The following MAD2L2 variants were observed in gnomAD, a reference collection of about 807,000 sequenced individuals.
The protein encoded by MAD2L2 is mitotic arrest deficient 2 like 2, also known as mitotic spindle assembly checkpoint protein MAD2B.
In MAD2L2, 17 loss-of-function variants were observed where a neutral mutation model predicts 30.5. The ratio of observed to expected loss-of-function variants is 0.56; its 90% confidence interval spans 0.38 to 0.84. MAD2L2 has a LOEUF of 0.84. Among genes scored for constraint, MAD2L2 ranks in the 40% least tolerant of loss-of-function variants. The pLI is 0.00. For missense variants in MAD2L2, 213 were observed against 277.4 expected (o/e 0.77, Z 1.65); for synonymous variants, 101 against 113.9 (o/e 0.89, Z 0.72).
chr1:11,675,188 A>C lies in MAD2L2; in HGVS notation c.502-14T>G, dbSNP rs878778. 0.064 allele frequency: 100,072 copies of C among 1,570,950 alleles called. 7,978 individuals are homozygous for C. The highest frequency in any genetic ancestry group is 0.46 in the East Asian group (20,361 of 44,202). The stretch of plus-strand genomic sequence containing the variant: ...CCAGGGGAAATCCTAGGGAGGAGAC[A>C]AAGGTCAGGGGGGTGACGGGGCTGG... On this transcript the variant is annotated splice_polypyrimidine_tract_variant and intron_variant, in intron 7 of 8. Coordinates refer to ENST00000376692, the MANE Select transcript of MAD2L2 (RefSeq NM_006341.4).
intron 8 of MAD2L2, 56 bp downstream of exon 8, chr1:11,675,026 C>T (rs1330514317): frequency 3.4e-6 from 5 of 1,452,840 alleles, no homozygotes; most frequent in Non-Finnish European, 4.7e-6. Context: ...CAGCACCGGG[C>T]CTCACTTCGT....
rs746059225 is a variant in MAD2L2, at chr1:11,677,440, CCA to C, written c.231+101_231+102del. The C allele has an allele frequency of 2.3e-5, 26 of 1,143,714 alleles. 1 individual carries two copies. In the Admixed American group the frequency reaches 4.2e-4, roughly 19 times the overall value. The allele number at this position is 1,143,714 out of a possible 1,614,324, so 70.8% of individuals were successfully genotyped here. On this transcript the variant is annotated intron_variant, in intron 4 of 8. Coordinates refer to ENST00000376692, the MANE Select transcript of MAD2L2 (RefSeq NM_006341.4). ...TCTGGGTATTGGAGCCATGAAGACCCCACAGAGTCCTAGCTTCACCCCATCCC... is the reference window on the plus strand; with the variant it reads ...TCTGGGTATTGGAGCCATGAAGACCCCAGAGTCCTAGCTTCACCCCATCCC...
chr1:11,685,692 C>T (rs962413934), upstream of MAD2L2, among the ~76,000 whole-genome samples: 4 of 152,230 alleles, frequency 2.6e-5, no homozygotes, highest in Admixed American at 6.5e-5. Flanking sequence ...CATGGTGGCT[C>T]ACGCCTATAA....
chr1:11,677,884 C>T (rs954817072), intron 3 of MAD2L2, among the ~76,000 whole-genome samples: 1 of 151,784 alleles, frequency 6.6e-6, no homozygotes, highest in East Asian at 1.9e-4. Flanking sequence ...ATGGTGAAAC[C>T]CCATCTCTAC....
chr1:11,679,993 T>G (rs1241999983), intron 3 of MAD2L2, among the ~76,000 whole-genome samples: 305 of 85,552 alleles, frequency 3.6e-3, no homozygotes, highest in African/African-American at 0.013. Flanking sequence ...AGGTTTTTTT[T>G]TTTTTTTTTT....
chr1:11,676,099 G>C lies in MAD2L2; in HGVS notation c.374C>G (p.Ala125Gly), dbSNP rs751926997. Residue 125 changes from alanine to glycine, a missense_variant, in exon 6 of 9, where the codon GCC (alanine) becomes GGC (glycine). Physicochemically the swap from Ala to Gly is moderately conservative, Grantham distance 60 (BLOSUM62 0). Coordinates refer to ENST00000376692, the MANE Select transcript of MAD2L2 (RefSeq NM_006341.4). ...GCACACGCTGATCTTCAGGATGAAGGCCCGGAGCAGCTGCTCCACATGAGA... is the reference window on the plus strand; with the variant it reads ...GCACACGCTGATCTTCAGGATGAAGCCCCGGAGCAGCTGCTCCACATGAGA... ...LLSHVEQLLR[A>G]FILKISVCDA... 6.2e-7 allele frequency: 1 copy of C among 1,611,328 alleles called. No homozygotes were observed. Among genetic ancestry groups the C allele is most frequent in the Non-Finnish European group, 8.5e-7 (1 of 1,178,400 alleles).
chr1:11,679,978 G>A (rs896076970), intron 3 of MAD2L2, among the ~76,000 whole-genome samples: 13 of 147,164 alleles, frequency 8.8e-5, no homozygotes, highest in Middle Eastern at 3.4e-3. Context: ...GGCCCGAAGT[G>A]GAAGAGGTTT....
intron 1 of MAD2L2, 166 bp downstream of exon 1, chr1:11,680,873 G>T: frequency 1.0e-6 from 1 of 962,804 alleles, no homozygotes; most frequent in Non-Finnish European, 1.3e-6. Flanking sequence ...CTGTGCCCCC[G>T]AAAAGGGCAG....
chr1:11,684,607 T>G (rs1640928569), upstream of MAD2L2, among the ~76,000 whole-genome samples: 1 of 152,118 alleles, frequency 6.6e-6, no homozygotes, highest in Non-Finnish European at 1.5e-5. Context: ...GGAGGACTGC[T>G]GGGGTTTATG....
chr1:11,680,800 CCT>C (rs1640861784), intron 1 of MAD2L2, 187 bp from the exon 2 acceptor site: 1 of 1,296,430 alleles, frequency 7.7e-7, no homozygotes, highest in East Asian at 3.1e-5. Flanking sequence ...GGGGCATCAG[CCT>C]CTATCCACTG....
In MAD2L2 at chr1:11,674,586, G is replaced by A. The variant is rs997111066; in HGVS notation, c.*189C>T. On this transcript the variant is annotated 3_prime_UTR_variant, in exon 9 of 9. Coordinates refer to ENST00000376692, the MANE Select transcript of MAD2L2 (RefSeq NM_006341.4). The surrounding 1 kb of genome is among the most constrained non-coding windows in gnomAD (Gnocchi z 6.1). ...CAGGAGGCTGAGAAGTCGAGGTTGC[G>A]GCATCCCTCACTGCCCTCCTGGGGG... 2.3e-5 allele frequency: 14 copies of A among 597,618 alleles called. No homozygotes were observed. The highest frequency in any genetic ancestry group is 7.5e-5 in the African/African-American group (4 of 53,556). The allele number at this position is 597,618 out of a possible 1,614,324, so 37.0% of individuals were successfully genotyped here.
intron 4 of MAD2L2, 146 bp downstream of exon 4, chr1:11,677,397 G>C (rs1466273285): frequency 5.1e-6 from 4 of 785,878 alleles, no homozygotes; most frequent in Middle Eastern, 2.3e-4. Flanking sequence ...ATGGTCTCCA[G>C]AGTGCAGGGA....
Position 11,676,851 on chromosome 1 carries a change from A to G in MAD2L2, c.329T>C (p.Ile110Thr), listed in dbSNP as rs1179078107. 1.2e-6 allele frequency: 2 copies of G among 1,613,512 alleles called. No homozygotes were observed. The highest frequency in any genetic ancestry group is 1.7e-6 in the Non-Finnish European group (2 of 1,179,452). ...GCGAGGGGCAGGGGCAGCCCACCTG[A>G]TGGACAGCAGTGGAGGCTGGGTGAT... is the stretch of plus-strand genomic sequence containing the variant. ...FEITQPPLLS[I>T]SSDSLLSHVE... The change falls in exon 5 of 9, where the codon ATC (isoleucine) becomes ACC (threonine). Residue 110 changes from isoleucine to threonine, a missense_variant. By Grantham distance (89) the Ile-to-Thr change is moderately conservative (BLOSUM62 -1). Transcript: ENST00000376692.
chr1:11,685,809 G>A (rs1399754715), upstream of MAD2L2, among the ~76,000 whole-genome samples: 1 of 152,072 alleles, frequency 6.6e-6, no homozygotes, highest in African/African-American at 2.4e-5. Flanking sequence ...AAAATTAGCT[G>A]AGCATGGTGG....
At chr1:11,679,187 T>A (rs557361422) in intron 3 of MAD2L2, among the ~76,000 whole-genome samples, 1 of 151,900 alleles carries the variant, frequency 6.6e-6, no homozygotes, top group African/African-American at 2.4e-5. Context: ...AAATAAAATA[T>A]AAAATAAAAA....
rs1392412436 is a variant in MAD2L2 at position 11,687,092 on chromosome 1, G to T, written c.-692+4321C>A. On this transcript the variant is annotated intron_variant, in intron 1 of 10. Transcript: ENST00000235310. The surrounding 1 kb of genome is among the most constrained non-coding windows in gnomAD (Gnocchi z 4.1). ...TTTTATTTTATTTTTTGGAGACAGG[G>T]TCTCACTCTGTCATCTAGGCTGGAG... is the stretch of plus-strand genomic sequence containing the variant. 6.6e-6 allele frequency among the ~76,000 whole-genome samples: 1 copy of T among 151,982 alleles called. No homozygotes were observed. The highest frequency in any genetic ancestry group is 1.5e-5 in the Non-Finnish European group (1 of 68,010).
At chr1:11,683,149 C>T (rs748978962), upstream of MAD2L2, among the ~76,000 whole-genome samples, 27 of 152,294 alleles carry the variant, frequency 1.8e-4, no homozygotes, top group Non-Finnish European at 2.5e-4. Context: ...CCAAGTGACT[C>T]CTGTGGGATG....
chr1:11,675,298 T>C, intron 7 of MAD2L2, 124 bp from the exon 8 acceptor site: 1 of 662,074 alleles, frequency 1.5e-6, no homozygotes, highest in Non-Finnish European at 2.6e-6. Context: ...AGGAAGCTGT[T>C]GGTGATGCAG....
upstream of MAD2L2, chr1:11,681,212 C>G (rs1170552669): frequency 1.3e-5 from 2 of 152,232 alleles, no homozygotes; most frequent in Admixed American, 6.5e-5. Context: ...CATTCCCGCA[C>G]GGCCCAAACC....
Sources: gnomAD v4.1 joint callset for allele counts (sites outside exome capture counted in the v4.1 genomes callset) on GRCh38, gnomAD v4.1.1 for gene constraint, Gnocchi (gnomAD v3.1) non-coding constraint, MANE v1.5 for transcripts, NCBI Gene and HGNC (gene_info 2026-07-23, HGNC 2026-07-21) for gene names.